SCAPER: variants seen among roughly 807,000 people sequenced by gnomAD.
The protein encoded by SCAPER is S-phase cyclin A associated protein in the ER.
Under a neutral mutation model 182.2 loss-of-function variants are expected in SCAPER, and 98 were observed. That is an observed-to-expected ratio of 0.54 (90% CI 0.46 to 0.64). The LOEUF is 0.64. SCAPER is among the 30% of genes least tolerant of loss of function. The pLI, the probability that SCAPER is intolerant of heterozygous loss-of-function variation, is 0.00. For synonymous variants in SCAPER, 605 were observed against 564.6 expected (o/e 1.07, Z -1.01); for missense variants, 1,432 against 1,690.0 (o/e 0.85, Z 2.68).
chr15:76,601,766 C>A (rs2049947970), intron 22 of SCAPER, among the ~76,000 whole-genome samples: 1 of 121,276 alleles, frequency 8.2e-6, no homozygotes, highest in African/African-American at 2.5e-5. Context: ...CTGTGAAATA[C>A]CTTATAATAA....
rs987394084 is a variant in SCAPER, at chr15:76,375,360, G to A, written c.3855+802C>T. On this transcript the variant is annotated intron_variant, in intron 29 of 31. Coordinates refer to ENST00000563290, the MANE Select transcript of SCAPER (RefSeq NM_020843.4). ...AAACTACTCTGAGTGACCTAAGCGG[G>A]AGAGTCCTACCCTCTCAGCCTCTCA... 1.3e-5 allele frequency among the ~76,000 whole-genome samples: 2 copies of A among 151,586 alleles called. 1 individual carries two copies. Among genetic ancestry groups the A allele is most frequent in the South Asian group, 4.2e-4 (2 of 4,804 alleles).
At chr15:76,478,680 C>A (rs909461512) in intron 24 of SCAPER, among the ~76,000 whole-genome samples, 4 of 152,086 alleles carry the variant, frequency 2.6e-5, no homozygotes, top group Non-Finnish European at 5.9e-5. Flanking sequence ...ATTAAATAAA[C>A]CCTCCTTTCT....
At chr15:76,620,869 G>T (rs936107290) in intron 22 of SCAPER, among the ~76,000 whole-genome samples, 5 of 152,108 alleles carry the variant, frequency 3.3e-5, no homozygotes, top group Admixed American at 1.3e-4. Context: ...GACAAGAGGA[G>T]GGAGAGCATC....
intron 23 of SCAPER, among the ~76,000 whole-genome samples, chr15:76,506,239 T>C (rs1050720516): frequency 2.6e-5 from 4 of 152,200 alleles, no homozygotes; most frequent in Non-Finnish European, 5.9e-5. Flanking sequence ...ATTGTTCATT[T>C]ACAAATAACT....
intron 24 of SCAPER, among the ~76,000 whole-genome samples, chr15:76,487,433 T>C (rs2051767275): frequency 6.6e-6 from 1 of 152,162 alleles, no homozygotes; most frequent in Non-Finnish European, 1.5e-5. Flanking sequence ...TTCTGCATGA[T>C]ACTAAAATGT....
At chr15:76,698,164 A>C (rs2147215620) in intron 20 of SCAPER, among the ~76,000 whole-genome samples, 1 of 152,124 alleles carries the variant, frequency 6.6e-6, no homozygotes, top group Non-Finnish European at 1.5e-5. Flanking sequence ...AAAGGCAGAA[A>C]ATTATTTGAG....
At chr15:76,457,273 C>T (rs1214440148) in intron 25 of SCAPER, among the ~76,000 whole-genome samples, 2 of 152,140 alleles carry the variant, frequency 1.3e-5, no homozygotes, top group East Asian at 3.8e-4. Flanking sequence ...CTGTGTTAGC[C>T]AGGATGGTCT....
At chr15:76,437,878 C>CTGA (rs2047299607) in intron 25 of SCAPER, among the ~76,000 whole-genome samples, 1 of 152,194 alleles carries the variant, frequency 6.6e-6, no homozygotes, top group African/African-American at 2.4e-5. Context: ...AGGGAGCAGA[C>CTGA]TGATGCTTTG....
At position 76,525,987 on chromosome 15, in the gene SCAPER, C is replaced by T. The variant is rs190931842; in HGVS notation, c.2839-21013G>A. ...TTTACGTTCCCACCAACAGAGTAGACGCATTCCTTTTTCTCTCAGCCTTGC... is the reference window on the plus strand; with the variant it reads ...TTTACGTTCCCACCAACAGAGTAGATGCATTCCTTTTTCTCTCAGCCTTGC... On this transcript the variant is annotated intron_variant, in intron 23 of 31. Coordinates refer to ENST00000563290, the MANE Select transcript of SCAPER (RefSeq NM_020843.4). Among the ~76,000 whole-genome samples the T allele has an allele frequency of 1.2e-4, 18 of 152,224 alleles. 1 individual carries two copies. In the East Asian group the frequency reaches 2.7e-3, roughly 23 times the overall value.
At chr15:76,363,724 C>T (rs1341712894) in intron 29 of SCAPER, among the ~76,000 whole-genome samples, 1 of 152,186 alleles carries the variant, frequency 6.6e-6, no homozygotes, top group Admixed American at 6.5e-5. Flanking sequence ...TTAAAAAAGA[C>T]AGCAGAGAGA....
rs769062491 is a variant in SCAPER, at chr15:76,511,839, A to ATGTGTGTGTGTG, written c.2839-6866_2839-6865insCACACACACACA. 1.3e-3 allele frequency among the ~76,000 whole-genome samples: 54 copies of ATGTGTGTGTGTG among 42,430 alleles called. 1 individual carries two copies. Among genetic ancestry groups the ATGTGTGTGTGTG allele is most frequent in the East Asian group, 2.0e-3 (1 of 494 alleles). 27.8% of individuals were successfully genotyped at this position (42,430 alleles called of 152,430 possible). Reference sequence around the variant, plus strand: ...ACAAAGATACACTTATTATATATATATATATGTGTGTGTGTGTGTGTGTGT... The same window carrying ATGTGTGTGTGTG: ...ACAAAGATACACTTATTATATATATATGTGTGTGTGTGTATATGTGTGTGTGTGTGTGTGTGT... On this transcript the variant is annotated intron_variant, in intron 23 of 31. Coordinates refer to ENST00000563290, the MANE Select transcript of SCAPER (RefSeq NM_020843.4).
At chr15:76,701,223 T>A (rs1372848845) in intron 20 of SCAPER, among the ~76,000 whole-genome samples, 1 of 152,176 alleles carries the variant, frequency 6.6e-6, no homozygotes, top group East Asian at 1.9e-4. Context: ...TCTTGAGTAG[T>A]TTTAAAAATT....
chr15:76,438,631 T>C (rs1246162094), intron 25 of SCAPER, among the ~76,000 whole-genome samples: 3 of 152,196 alleles, frequency 2.0e-5, no homozygotes, highest in South Asian at 4.1e-4. Context: ...CTTGTGGCCC[T>C]GCACTAGGCA....
intron 24 of SCAPER, among the ~76,000 whole-genome samples, chr15:76,482,054 G>A (rs374969832): frequency 2.0e-5 from 3 of 152,070 alleles, no homozygotes; most frequent in Admixed American, 1.3e-4. Flanking sequence ...ATCAGCAGGC[G>A]CATAATATCT....
At chr15:76,587,931 T>C (rs1164477511) in intron 22 of SCAPER, among the ~76,000 whole-genome samples, 1 of 151,934 alleles carries the variant, frequency 6.6e-6, no homozygotes. Flanking sequence ...CTTTTCTTTT[T>C]TTTTTTTTAA....
intron 23 of SCAPER, among the ~76,000 whole-genome samples, chr15:76,568,190 CAT>C (rs60959582): frequency 0.014 from 1,927 of 138,558 alleles, 59 homozygotes; most frequent in African/African-American, 0.055. Flanking sequence ...ATGGATCAAG[CAT>C]ATATATATAT....
intron 20 of SCAPER, among the ~76,000 whole-genome samples, chr15:76,668,072 T>C (rs1598043276): frequency 6.6e-6 from 1 of 152,234 alleles, no homozygotes; most frequent in Non-Finnish European, 1.5e-5. Flanking sequence ...GTTCTTTATA[T>C]ACATCAAATT....
At chr15:76,729,291 C>T (rs1598405769) in intron 16 of SCAPER, among the ~76,000 whole-genome samples, 7 of 114,532 alleles carry the variant, frequency 6.1e-5, no homozygotes, top group African/African-American at 3.0e-4. Context: ...CATATATATA[C>T]ACATACACAC....
chr15:76,588,862 T>C (rs1220265970), intron 22 of SCAPER, among the ~76,000 whole-genome samples: 2 of 152,148 alleles, frequency 1.3e-5, no homozygotes, highest in East Asian at 1.9e-4. Flanking sequence ...TCTTTTTCAT[T>C]TGGGTAGGCT....
Sources: gnomAD v4.1 joint callset for allele counts (sites outside exome capture counted in the v4.1 genomes callset) on GRCh38, gnomAD v4.1.1 for gene constraint, MANE v1.5 for transcripts, NCBI Gene and HGNC (gene_info 2026-07-23, HGNC 2026-07-21) for gene names.